The following SHANK2 variants were observed in gnomAD, a reference collection of about 807,000 sequenced individuals.
The protein encoded by SHANK2 is SH3 and multiple ankyrin repeat domains 2, also known as SH3 and multiple ankyrin repeat domains protein 2.
Under a neutral mutation model 133.7 loss-of-function variants are expected in SHANK2, and 43 were observed. The ratio of observed to expected loss-of-function variants is 0.32; its 90% CI spans 0.25 to 0.41. The LOEUF is 0.41. SHANK2 is among the 10% of genes least tolerant of loss of function. SHANK2 has a pLI of 1.00. For missense variants in SHANK2, 1,994 were observed against 2,235.8 expected (o/e 0.89, Z 2.18); for synonymous variants, 1,017 against 952.8 (o/e 1.07, Z -1.24).
chr11:70,735,776 C>T (rs1257685263), intron 14 of SHANK2, among the ~76,000 whole-genome samples: 2 of 151,870 alleles, frequency 1.3e-5, no homozygotes, highest in African/African-American at 2.4e-5. Context: ...TGCTCACTGG[C>T]CCCAAGGTCC....
intron 2 of SHANK2, among the ~76,000 whole-genome samples, chr11:71,183,107 C>T (rs1289574697): frequency 2.7e-5 from 4 of 147,278 alleles, no homozygotes; most frequent in African/African-American, 5.1e-5. Flanking sequence ...TTGACAGTTT[C>T]GATGAGGAGG....
intron 14 of SHANK2, among the ~76,000 whole-genome samples, chr11:70,763,154 A>G (rs1158252379): frequency 6.6e-6 from 1 of 152,182 alleles, no homozygotes; most frequent in Non-Finnish European, 1.5e-5. Context: ...TAGTTTCCTC[A>G]TGTGGAGGAT....
intron 21 of SHANK2, among the ~76,000 whole-genome samples, chr11:70,493,208 C>T (rs1324856563): frequency 1.4e-5 from 2 of 141,274 alleles, no homozygotes; most frequent in Non-Finnish European, 3.0e-5. Context: ...GAGACTCAGA[C>T]ATATGGTTCC....
At chr11:70,482,092 C>G (rs1363782477) in intron 25 of SHANK2, among the ~76,000 whole-genome samples, 3 of 152,254 alleles carry the variant, frequency 2.0e-5, no homozygotes, top group Non-Finnish European at 4.4e-5. Context: ...ATCCGAGAAG[C>G]AAGGGCGAGG....
intron 14 of SHANK2, among the ~76,000 whole-genome samples, chr11:70,795,388 T>G (rs138142338): frequency 0.035 from 5,158 of 148,294 alleles, 138 homozygotes; most frequent in Middle Eastern, 0.084. Flanking sequence ...TTCTTTTCTT[T>G]TTTCTTTTCT....
intron 15 of SHANK2, among the ~76,000 whole-genome samples, chr11:70,662,520 G>GT (rs1304278877): frequency 1.3e-5 from 2 of 152,302 alleles, no homozygotes; most frequent in East Asian, 3.9e-4. Context: ...TCGGGGAGGG[G>GT]TGGGGGCTCC....
intron 10 of SHANK2, among the ~76,000 whole-genome samples, chr11:70,936,953 C>A (rs782123459): frequency 9.2e-5 from 14 of 152,230 alleles, no homozygotes; most frequent in Non-Finnish European, 1.6e-4. Context: ...ACTCTTCCAC[C>A]TTCCTTTCCC....
At chr11:70,863,740 C>T (rs576522508) in intron 11 of SHANK2, 4 of 446,774 alleles carry the variant, frequency 9.0e-6, no homozygotes, top group East Asian at 7.0e-5. Context: ...TTTACAGCTA[C>T]AGAGAGTCTT....
chr11:71,228,015 G>A (rs1376420995), intron 1 of SHANK2, among the ~76,000 whole-genome samples: 6 of 151,644 alleles, frequency 4.0e-5, no homozygotes, highest in Non-Finnish European at 8.8e-5. Flanking sequence ...ACTCTAGCAA[G>A]ACTGACCAAG....
intron 10 of SHANK2, among the ~76,000 whole-genome samples, chr11:70,946,328 T>TC (rs1555085420): frequency 6.2e-5 from 9 of 144,328 alleles, no homozygotes; most frequent in African/African-American, 1.1e-4. Flanking sequence ...AACCAACACT[T>TC]CCCAGGATCA....
rs547695622 is a variant in SHANK2 at position 71,229,776 on chromosome 11, A to G, written c.-112-4980T>C. Among the ~76,000 whole-genome samples the G allele has an allele frequency of 5.3e-5, 8 of 151,868 alleles. No individual in the cohort carries two copies. In the East Asian group the frequency reaches 5.8e-4, roughly 11 times the overall value. ...TCCATCTCAAAAAAGAAAAAAAAAAAAAAAAAGAAAAAGAAAAGAAAAGAA... is the reference window on the plus strand; with the variant it reads ...TCCATCTCAAAAAAGAAAAAAAAAAGAAAAAAGAAAAAGAAAAGAAAAGAA... On this transcript the variant is annotated intron_variant, in intron 1 of 25. Transcript: ENST00000601538.
chr11:71,071,745 G>A (rs1010526816), intron 9 of SHANK2, among the ~76,000 whole-genome samples: 12 of 152,310 alleles, frequency 7.9e-5, no homozygotes, highest in East Asian at 1.9e-4. Context: ...GGCCTGGGCT[G>A]GTGAGGAGCC....
chr11:70,848,164 A>C (rs1233608286), intron 11 of SHANK2, among the ~76,000 whole-genome samples: 1 of 152,278 alleles, frequency 6.6e-6, no homozygotes. Flanking sequence ...ACGGAGGCTT[A>C]GCGACAGCAA....
chr11:71,067,891 CACCACT>C (rs1422923657), intron 9 of SHANK2, among the ~76,000 whole-genome samples: 8 of 151,932 alleles, frequency 5.3e-5, no homozygotes, highest in African/African-American at 1.9e-4. Flanking sequence ...TCATCACCAC[CACCACT>C]ACCACTATCA....
At chr11:70,671,203 A>G (rs1443387468) in intron 15 of SHANK2, among the ~76,000 whole-genome samples, 1 of 152,230 alleles carries the variant, frequency 6.6e-6, no homozygotes, top group Non-Finnish European at 1.5e-5. Context: ...GGAGACAGAT[A>G]CGGCTTAACT....
intron 11 of SHANK2, among the ~76,000 whole-genome samples, chr11:70,878,776 C>G (rs1555071865): frequency 6.6e-6 from 1 of 152,184 alleles, no homozygotes; most frequent in African/African-American, 2.4e-5. Context: ...ACCCAGGGCT[C>G]AAAGCAGCTC....
intron 14 of SHANK2, among the ~76,000 whole-genome samples, chr11:70,722,386 C>A (rs67526492): frequency 0.13 from 19,938 of 152,224 alleles, 1,736 homozygotes; most frequent in Non-Finnish European, 0.19. Flanking sequence ...ATGAAGGCTT[C>A]CTGCAGTGAC....
At chr11:71,085,664 A>ATAATATAATATATAACATAT (rs1951378761) in intron 8 of SHANK2, among the ~76,000 whole-genome samples, 7 of 14,998 alleles carry the variant, frequency 4.7e-4, no homozygotes, top group South Asian at 4.4e-3. Flanking sequence ...ATATTATATT[A>ATAATATAATATATAACATAT]TATATGTTAT....
chr11:70,713,775 C>T (rs1339560456), intron 14 of SHANK2, among the ~76,000 whole-genome samples: 1 of 152,228 alleles, frequency 6.6e-6, no homozygotes, highest in African/African-American at 2.4e-5. Context: ...TCATGCCTTG[C>T]CGTGTGCCAC....
Sources: allele counts gnomAD v4.1 joint callset (sites outside exome capture counted in the v4.1 genomes callset), GRCh38; gene constraint gnomAD v4.1.1; transcripts MANE v1.5; gene names NCBI Gene and HGNC (gene_info 2026-07-23, HGNC 2026-07-21).